GALNT13: variants seen among roughly 807,000 people sequenced by gnomAD.
The protein encoded by GALNT13 is UDP-GalNAc:polypeptide N-acetylgalactosaminyltransferase 13.
In GALNT13, 28 loss-of-function variants were observed where a neutral mutation model predicts 64.2. That is an observed-to-expected ratio of 0.44 (90% CI 0.32 to 0.60). The LOEUF (loss-of-function observed/expected upper bound fraction) is 0.60, where lower values mean the gene tolerates loss of function less well. Ranked by LOEUF, GALNT13 falls within the 20% of genes least tolerant of loss-of-function variation. GALNT13 has a pLI of 0.05. For synonymous variants in GALNT13, 214 were observed against 224.6 expected (o/e 0.95, Z 0.42); for missense variants, 577 against 669.8 (o/e 0.86, Z 1.53).
the GALNT13 span, among the ~76,000 whole-genome samples, chr2:153,303,504 G>A: frequency 6.6e-6 from 1 of 152,112 alleles, no homozygotes; most frequent in African/African-American, 2.4e-5. Flanking sequence ...TCTGCAAACA[G>A]ACAGTCAACT....
chr2:154,287,135 G>A (rs1315569779), intron 8 of GALNT13: 1 of 1,382,080 alleles, frequency 7.2e-7, no homozygotes, highest in East Asian at 2.3e-5. Flanking sequence ...TCTGACCTTT[G>A]AGAAGGAGTT....
intron 3 of GALNT13, among the ~76,000 whole-genome samples, chr2:153,959,128 A>G (rs540639665): frequency 4.6e-5 from 7 of 152,258 alleles, no homozygotes; most frequent in African/African-American, 9.6e-5. Flanking sequence ...GGGAGGGGCT[A>G]TAACCCACCA....
chr2:153,771,807 A>G, the GALNT13 span, among the ~76,000 whole-genome samples: 1 of 152,258 alleles, frequency 6.6e-6, no homozygotes, highest in East Asian at 1.9e-4. Flanking sequence ...TGAGTGGGTG[A>G]TCCAAATGCC....
intron 4 of GALNT13, among the ~76,000 whole-genome samples, chr2:154,217,076 G>A (rs906277120): frequency 1.3e-5 from 2 of 151,618 alleles, no homozygotes; most frequent in African/African-American, 2.4e-5. Context: ...AACAGGCTGA[G>A]CCACCTCACT....
chr2:154,241,617 C>T (rs1172645092), intron 4 of GALNT13, among the ~76,000 whole-genome samples: 3 of 152,150 alleles, frequency 2.0e-5, no homozygotes, highest in Non-Finnish European at 4.4e-5. Flanking sequence ...TTACATATTT[C>T]AAAACCCTTT....
intron 1 of GALNT13, among the ~76,000 whole-genome samples, chr2:153,898,480 A>G (rs570300568): frequency 6.6e-6 from 1 of 152,120 alleles, no homozygotes; most frequent in Non-Finnish European, 1.5e-5. Flanking sequence ...ATCCAATTAA[A>G]TTGAAGTGTT....
At chr2:153,868,661 C>G (rs192634566), upstream of GALNT13, among the ~76,000 whole-genome samples, 1 of 152,228 alleles carries the variant, frequency 6.6e-6, no homozygotes, top group East Asian at 1.9e-4. Context: ...ACATAATGGA[C>G]AATTGTAGCT....
chr2:154,200,012 C>G (rs1687087681), intron 4 of GALNT13, among the ~76,000 whole-genome samples: 1 of 151,830 alleles, frequency 6.6e-6, no homozygotes, highest in South Asian at 2.1e-4. Context: ...AGAAATCATA[C>G]CTTCAACATA....
At chr2:153,355,429 A>T in the GALNT13 span, among the ~76,000 whole-genome samples, 1 of 152,194 alleles carries the variant, frequency 6.6e-6, no homozygotes, top group East Asian at 1.9e-4. Context: ...CATTGTAATC[A>T]GTATTTACTA....
intron 3 of GALNT13, among the ~76,000 whole-genome samples, chr2:153,949,467 G>A (rs1220723368): frequency 6.6e-6 from 1 of 151,518 alleles, no homozygotes; most frequent in Non-Finnish European, 1.5e-5. Context: ...CTTGAGTTCA[G>A]GAGTTTGAGT....
At chr2:153,120,982 G>A in the GALNT13 span, among the ~76,000 whole-genome samples, 101 of 152,336 alleles carry the variant, frequency 6.6e-4, no homozygotes, top group Non-Finnish European at 1.2e-3. Context: ...GAGCATTTCA[G>A]TGTGATCCTA....
the GALNT13 span, among the ~76,000 whole-genome samples, chr2:153,496,993 CAAA>C: frequency 4.0e-3 from 366 of 90,848 alleles, 1 homozygote; most frequent in African/African-American, 7.6e-3. Context: ...GATTTTGTCT[CAAA>C]AAAAAAAAAA....
the GALNT13 span, among the ~76,000 whole-genome samples, chr2:153,078,810 T>C: frequency 2.0e-5 from 3 of 152,302 alleles, no homozygotes; most frequent in Non-Finnish European, 4.4e-5. Context: ...ATTATCGTAA[T>C]GAATGGGTGT....
chr2:153,733,714 C>T, the GALNT13 span, among the ~76,000 whole-genome samples: 2 of 152,072 alleles, frequency 1.3e-5, no homozygotes, highest in Admixed American at 6.6e-5. Flanking sequence ...TTGGCAGTAA[C>T]GTGATGGTGG....
chr2:154,230,807 G>A (rs901226177), intron 4 of GALNT13, among the ~76,000 whole-genome samples: 2 of 152,086 alleles, frequency 1.3e-5, no homozygotes, highest in Admixed American at 6.6e-5. Context: ...CAGTTCTCTG[G>A]TAGACTTAAG....
At chr2:153,546,348 T>C in the GALNT13 span, among the ~76,000 whole-genome samples, 1 of 152,218 alleles carries the variant, frequency 6.6e-6, no homozygotes, top group South Asian at 2.1e-4. Context: ...AAAATCATTT[T>C]CATCCCCTGG....
the GALNT13 span, among the ~76,000 whole-genome samples, chr2:153,665,464 T>TG: frequency 1.3e-5 from 2 of 152,164 alleles, no homozygotes; most frequent in Non-Finnish European, 1.5e-5. Flanking sequence ...TATGTGTAGA[T>TG]GTGAATCAAT....
At chr2:153,317,629 C>T in the GALNT13 span, among the ~76,000 whole-genome samples, 11 of 151,806 alleles carry the variant, frequency 7.2e-5, no homozygotes, top group South Asian at 2.1e-4. Context: ...TGGAGACAGC[C>T]GACTGCCTTT....
chr2:153,797,866 T>C, the GALNT13 span, among the ~76,000 whole-genome samples: 20 of 152,162 alleles, frequency 1.3e-4, no homozygotes, highest in Non-Finnish European at 2.6e-4. Context: ...ACAATGATTT[T>C]TTTTGTCCAA....
Sources: allele counts gnomAD v4.1 joint callset (sites outside exome capture counted in the v4.1 genomes callset), GRCh38; gene constraint gnomAD v4.1.1; transcripts MANE v1.5; gene names NCBI Gene and HGNC (gene_info 2026-07-23, HGNC 2026-07-21).